HDX: variants seen among roughly 807,000 people sequenced by gnomAD.
The protein encoded by HDX is chromosome X open reading frame 43.
A neutral mutation model predicts 45.2 loss-of-function variants in HDX; 19 were observed. The observed-to-expected ratio is 0.42, with a 90% confidence interval of 0.29 to 0.62. HDX has a LOEUF of 0.62. Ranked by LOEUF, HDX falls within the 20% of genes least tolerant of loss-of-function variation. HDX has a pLI of 0.20. For missense variants in HDX, 532 were observed against 493.9 expected, an observed-to-expected ratio of 1.08 and a Z score of -0.73; for synonymous variants, 188 against 172.8, an observed-to-expected ratio of 1.09 and a Z score of -0.69.
At chrX:84,498,801 A>G (rs150539445) in intron 1 of HDX, among the ~76,000 whole-genome samples, 1,132 of 100,597 alleles carry the variant, frequency 0.011, 23 homozygotes, top group African/African-American at 0.039. Flanking sequence ...TAGAAGTAAT[A>G]TGGTGTTTAT....
At chrX:84,448,579 G>T (rs557928677) in intron 4 of HDX, among the ~76,000 whole-genome samples, 14 of 108,731 alleles carry the variant, frequency 1.3e-4, no homozygotes, top group Admixed American at 1.3e-3. Context: ...TATGCTAATG[G>T]ACACACCGAG....
At chrX:84,421,432 G>C (rs1602423932) in intron 5 of HDX, among the ~76,000 whole-genome samples, 1 of 110,971 alleles carries the variant, frequency 9.0e-6, no homozygotes, top group Non-Finnish European at 1.9e-5. Flanking sequence ...AGATACATTG[G>C]ATACAAGAAC....
chrX:84,451,742 G>A (rs1029638176), intron 4 of HDX, among the ~76,000 whole-genome samples: 10 of 110,635 alleles, frequency 9.0e-5, no homozygotes, highest in South Asian at 7.6e-4. Flanking sequence ...ATTTTAAGCC[G>A]GTTACCCTGA....
intron 9 of HDX, among the ~76,000 whole-genome samples, chrX:84,332,194 T>C (rs965971902): frequency 2.7e-5 from 3 of 111,317 alleles, no homozygotes; most frequent in African/African-American, 9.8e-5. Flanking sequence ...TGAGGTGAGT[T>C]GAAAAATTTT....
intron 1 of HDX, among the ~76,000 whole-genome samples, chrX:84,489,002 T>C (rs1305538626): frequency 9.0e-6 from 1 of 111,355 alleles, no homozygotes; most frequent in Non-Finnish European, 1.9e-5. Context: ...TTGCCGGGTT[T>C]TGTTGTTTTT....
chrX:84,447,902 C>A (rs1001931783), intron 4 of HDX, among the ~76,000 whole-genome samples: 12 of 111,455 alleles, frequency 1.1e-4, no homozygotes, highest in Admixed American at 5.7e-4. Flanking sequence ...GCCACCTGTT[C>A]AGGATGCTGC....
At chrX:84,414,972 A>G (rs1368041586) in intron 5 of HDX, among the ~76,000 whole-genome samples, 4 of 112,542 alleles carry the variant, frequency 3.6e-5, no homozygotes, top group Non-Finnish European at 5.6e-5. Flanking sequence ...GTTTGTTATA[A>G]TAAAAACATC....
At chrX:84,408,298 A>T (rs1050924744) in intron 5 of HDX, among the ~76,000 whole-genome samples, 4 of 110,653 alleles carry the variant, frequency 3.6e-5, no homozygotes, top group African/African-American at 1.3e-4. Flanking sequence ...TTAAATAGAG[A>T]GTCCTCTCTC....
chrX:84,394,862 A>G (rs2038522425), intron 5 of HDX, among the ~76,000 whole-genome samples: 1 of 109,713 alleles, frequency 9.1e-6, no homozygotes, highest in Non-Finnish European at 1.9e-5. Context: ...TCTTTTTCCA[A>G]CCCTTTATTT....
At chrX:84,494,677 A>G (rs1376363644) in intron 1 of HDX, among the ~76,000 whole-genome samples, 1 of 111,964 alleles carries the variant, frequency 8.9e-6, no homozygotes, top group African/African-American at 3.2e-5. Flanking sequence ...GACAATGAAA[A>G]TGTGAAAGCA....
In HDX at chrX:84,486,753, C is replaced by T. The variant is rs2040801425; in HGVS notation, c.-1+1271G>A. On this transcript the variant is annotated intron_variant, in intron 2 of 10. Coordinates refer to ENST00000373177, the MANE Select transcript of HDX (RefSeq NM_001177479.2). The stretch of plus-strand genomic sequence containing the variant: ...CTATGTATATGCTGTTTTTCTATGG[C>T]TATTTTCAACATTTTTTTTTACCTT... Among the ~76,000 whole-genome samples, 6 of 109,709 alleles carry T rather than the reference C, an allele frequency of 5.5e-5. No homozygotes were observed. In the Admixed American group the frequency reaches 5.9e-4, roughly 11 times the overall value.
intron 4 of HDX, among the ~76,000 whole-genome samples, chrX:84,459,299 G>A (rs1025608917): frequency 5.4e-5 from 6 of 110,109 alleles, no homozygotes; most frequent in African/African-American, 9.9e-5. Context: ...AAAATTAGCC[G>A]GGCGTGGTGG....
chrX:84,326,383 A>G, intron 9 of HDX, 83 bp from the exon 10 acceptor site: 1 of 699,484 alleles, frequency 1.4e-6, no homozygotes, highest in South Asian at 2.8e-5. Context: ...AAATTCTAAA[A>G]AACCATCAAA....
At chrX:84,403,100 T>G in intron 5 of HDX, among the ~76,000 whole-genome samples, 1 of 110,825 alleles carries the variant, frequency 9.0e-6, no homozygotes, top group Non-Finnish European at 1.9e-5. Flanking sequence ...CCTTACAACT[T>G]TGGGGGAAAA....
intron 8 of HDX, among the ~76,000 whole-genome samples, chrX:84,334,065 A>G (rs1254767026): frequency 1.8e-5 from 2 of 111,236 alleles, no homozygotes; most frequent in Non-Finnish European, 3.8e-5. Flanking sequence ...AATTAATACT[A>G]TTTAAAATAG....
rs376348906 is a variant in HDX, at chrX:84,422,796, G to A, written c.1305+17736C>T. 4.7e-4 allele frequency among the ~76,000 whole-genome samples: 49 copies of A among 104,564 alleles called. No individual in the cohort carries two copies. In the East Asian group the frequency reaches 0.015, roughly 32 times the overall value. The allele number at this position is 104,564 out of a possible 115,157, so 90.8% of individuals were successfully genotyped here. A position where few individuals can be genotyped will look rare whatever the true frequency, so the allele number is the denominator to read the frequency against. ...CCATTCTCCTGCCTCAGCCTCCCGA[G>A]TAGCTGGGACTACAGGTGCCCGCCA... is the stretch of plus-strand genomic sequence containing the variant. On this transcript the variant is annotated intron_variant, in intron 5 of 10. Coordinates refer to ENST00000373177, the MANE Select transcript of HDX (RefSeq NM_001177479.2).
intron 9 of HDX, 31 bp downstream of exon 9, chrX:84,333,715 TTTAATACCTTCTC>T (rs767197396): frequency 1.7e-6 from 1 of 577,979 alleles, no homozygotes; most frequent in African/African-American, 2.3e-5. Context: ...TTCTGCCTCA[TTTAATACCTTCTC>T]TTAATAAATT....
At chrX:84,492,284 T>TTTTG (rs200262241) in intron 1 of HDX, among the ~76,000 whole-genome samples, 3 of 110,604 alleles carry the variant, frequency 2.7e-5, no homozygotes, top group Admixed American at 9.7e-5. Context: ...TTTTTTCTGT[T>TTTTG]TTTGTTTGTT....
chrX:84,446,249 C>T (rs1383359557), intron 4 of HDX, among the ~76,000 whole-genome samples: 1 of 111,669 alleles, frequency 9.0e-6, no homozygotes, highest in Non-Finnish European at 1.9e-5. Flanking sequence ...TAATTCTACT[C>T]AGGTAAAAAA....
Sources: gnomAD v4.1 joint callset for allele counts (sites outside exome capture counted in the v4.1 genomes callset) on GRCh38, gnomAD v4.1.1 for gene constraint, MANE v1.5 for transcripts, NCBI Gene and HGNC (gene_info 2026-07-23, HGNC 2026-07-21) for gene names.